Variants in MICU1 observed in about 807,000 individuals in gnomAD.
MICU1 encodes calcium uptake protein 1, mitochondrial.
MICU1 carries 45 observed loss-of-function variants against 56.8 expected under a neutral mutation model. The observed-to-expected ratio is 0.79, with a 90% CI of 0.62 to 1.02. MICU1 has a LOEUF of 1.02. Ranked by LOEUF, MICU1 falls within the 50% of genes least tolerant of loss-of-function variation. The pLI is 0.00. For synonymous variants in MICU1, 186 were observed against 195.1 expected (o/e 0.95, Z 0.39); for missense variants, 504 against 587.1 (o/e 0.86, Z 1.46).
chr10:72,483,772 G>A (rs146489096), intron 6 of MICU1: 1 of 153,784 alleles, frequency 6.5e-6, no homozygotes, highest in African/African-American at 2.4e-5. Flanking sequence ...TGAACCCTGG[G>A]AGGCTTACTG....
intron 6 of MICU1, among the ~76,000 whole-genome samples, chr10:72,507,094 T>C (rs1038465459): frequency 2.6e-5 from 4 of 152,066 alleles, no homozygotes; most frequent in Non-Finnish European, 5.9e-5. Context: ...AGTAGCTTTA[T>C]GTTTACAGAT....
At chr10:72,399,881 C>T (rs190580417) in intron 10 of MICU1, among the ~76,000 whole-genome samples, 1,777 of 152,168 alleles carry the variant, frequency 0.012, 23 homozygotes, top group Non-Finnish European at 0.015. Flanking sequence ...TCGCTTGAGC[C>T]CAGGAGGCTG....
At chr10:72,476,152 A>G (rs7917451) in intron 7 of MICU1, among the ~76,000 whole-genome samples, 99,656 of 148,722 alleles carry the variant, frequency 0.67, 34,600 homozygotes, top group African/African-American at 0.82. Flanking sequence ...ACTTGAACCC[A>G]GGAGGTGGAG....
intron 11 of MICU1, among the ~76,000 whole-genome samples, chr10:72,368,769 T>C (rs573180648): frequency 4.5e-4 from 68 of 152,046 alleles, no homozygotes; most frequent in African/African-American, 1.6e-3. Flanking sequence ...CAAATACAGA[T>C]AGTAAAGGCT....
chr10:72,586,777 A>C (rs1205786660), intron 1 of MICU1, among the ~76,000 whole-genome samples: 1 of 152,202 alleles, frequency 6.6e-6, no homozygotes, highest in African/African-American at 2.4e-5. Context: ...ATATGAAATC[A>C]GTTTGTTTGG....
chr10:72,503,271 C>CA (rs1379263245), intron 6 of MICU1, among the ~76,000 whole-genome samples: 4 of 152,034 alleles, frequency 2.6e-5, no homozygotes, highest in Non-Finnish European at 5.9e-5. Context: ...TCAATGAACC[C>CA]AAAGACAAGA....
In MICU1 at chr10:72,470,810, T is replaced by G. The variant is rs114694182; in HGVS notation, c.933+4290A>C. Among the ~76,000 whole-genome samples the G allele has an allele frequency of 2.8e-3, 424 of 152,302 alleles. 3 individuals are homozygous for G. Among genetic ancestry groups the G allele is most frequent in the African/African-American group, 9.6e-3 (401 of 41,572 alleles). ...TACTAGCCACTTACAGAACACTTAC[T>G]ACATGTTAGGCTGCATTCTTTCACA... On this transcript the variant is annotated intron_variant, in intron 8 of 11. Coordinates refer to ENST00000361114, the MANE Select transcript of MICU1 (RefSeq NM_001195518.2).
intron 1 of MICU1, among the ~76,000 whole-genome samples, chr10:72,568,653 G>A (rs183893509): frequency 6.6e-6 from 1 of 151,596 alleles, no homozygotes; most frequent in Admixed American, 6.6e-5. Context: ...ATAAATGTGT[G>A]TAACTGTAAG....
chr10:72,593,752 T>C (rs373767179), intron 1 of MICU1, among the ~76,000 whole-genome samples: 1 of 152,096 alleles, frequency 6.6e-6, no homozygotes, highest in East Asian at 1.9e-4. Flanking sequence ...GAAAAGGAAA[T>C]TACAAAAACA....
chr10:72,515,757 T>C (rs1209057853), intron 5 of MICU1, among the ~76,000 whole-genome samples: 1 of 152,222 alleles, frequency 6.6e-6, no homozygotes, highest in Non-Finnish European at 1.5e-5. Flanking sequence ...TCTACATATG[T>C]TGAAAAGCAA....
chr10:72,405,599 C>G (rs1276884574), intron 10 of MICU1, among the ~76,000 whole-genome samples: 1 of 151,110 alleles, frequency 6.6e-6, no homozygotes, highest in South Asian at 2.1e-4. Context: ...AATTACAGAC[C>G]AATATCTGTC....
At position 72,524,078 on chromosome 10, in the gene MICU1, A is replaced by G. The variant is rs936606468; in HGVS notation, c.537+9668T>C. The G allele has an allele frequency of 5.9e-5, 53 of 904,034 alleles. 1 individual carries two copies. The South Asian group carries it at 1.7e-3, about 29-fold the overall frequency. 56.0% of individuals were successfully genotyped at this position (904,034 alleles called of 1,614,324 possible). A position where few individuals can be genotyped will look rare whatever the true frequency, so the allele number is the denominator to read the frequency against. The stretch of plus-strand genomic sequence containing the variant: ...AACTTGAAGTTACTGTTGTCTCATC[A>G]GTCCTGTTACAGTTCAAGTAGGAAC... On this transcript the variant is annotated intron_variant, in intron 5 of 11. Transcript: ENST00000361114.
intron 4 of MICU1, among the ~76,000 whole-genome samples, chr10:72,548,456 T>A (rs968242325): frequency 1.3e-5 from 2 of 152,230 alleles, no homozygotes; most frequent in Non-Finnish European, 2.9e-5. Flanking sequence ...TTAAAAAGTA[T>A]TATTGTTTTT....
At chr10:72,618,109 G>A (rs2132584784) in intron 1 of MICU1, among the ~76,000 whole-genome samples, 1 of 151,290 alleles carries the variant, frequency 6.6e-6, no homozygotes, top group South Asian at 2.1e-4. Flanking sequence ...GGAGGCTGCA[G>A]TGAGCCGAGA....
intron 6 of MICU1, among the ~76,000 whole-genome samples, chr10:72,493,024 G>C (rs1293845784): frequency 6.6e-6 from 1 of 152,128 alleles, no homozygotes; most frequent in Non-Finnish European, 1.5e-5. Context: ...GGCTGAGGCA[G>C]GAGAATGACT....
intron 8 of MICU1, among the ~76,000 whole-genome samples, chr10:72,474,258 C>CAAAAAAAAA (rs55978543): frequency 1.4e-3 from 88 of 60,712 alleles, no homozygotes; most frequent in South Asian, 2.7e-3. Context: ...AGGACTGTCT[C>CAAAAAAAAA]AAAAAAAAAA....
In MICU1 at chr10:72,568,031, G is replaced by A. The variant is rs1315116871; in HGVS notation, c.-1-1237C>T. 2.0e-5 allele frequency among the ~76,000 whole-genome samples: 3 copies of A among 152,068 alleles called. No individual in the cohort carries two copies. In the East Asian group the frequency reaches 5.8e-4, roughly 29 times the overall value. ...TAGATCTAGAATTTGAACCTAGGGA[G>A]GACTAATTCCATACTTCAATGTCTC... On this transcript the variant is annotated intron_variant, in intron 1 of 11. Transcript: ENST00000361114.
chr10:72,594,510 T>C (rs1841317616), intron 1 of MICU1, among the ~76,000 whole-genome samples: 1 of 152,098 alleles, frequency 6.6e-6, no homozygotes, highest in African/African-American at 2.4e-5. Flanking sequence ...TTTCTTTGGA[T>C]ATGATTCCAA....
In MICU1 at chr10:72,531,890, T is replaced by A. The variant is rs377483853; in HGVS notation, c.537+1856A>T. 6.3e-3 allele frequency among the ~76,000 whole-genome samples: 956 copies of A among 151,894 alleles called. 5 individuals carry two copies. Among genetic ancestry groups the A allele is most frequent in the South Asian group, 0.044 (212 of 4,808 alleles). Reference sequence around the variant, plus strand: ...TTCATTACATAAGGTTTTATTTTTTTTTTTTTTAGTCCTTTATCTTTTTTT... The same window carrying A: ...TTCATTACATAAGGTTTTATTTTTTATTTTTTTAGTCCTTTATCTTTTTTT... On this transcript the variant is annotated intron_variant, in intron 5 of 11. Coordinates refer to ENST00000361114, the MANE Select transcript of MICU1 (RefSeq NM_001195518.2).
Sources: gnomAD v4.1 joint callset for allele counts (sites outside exome capture counted in the v4.1 genomes callset) on GRCh38, gnomAD v4.1.1 for gene constraint, MANE v1.5 for transcripts, NCBI Gene and HGNC (gene_info 2026-07-23, HGNC 2026-07-21) for gene names.